CD3E: variants seen among roughly 807,000 people sequenced by gnomAD.
CD3E encodes the protein T-cell surface glycoprotein CD3 epsilon chain.
A neutral mutation model predicts 34.7 loss-of-function variants in CD3E; 16 were observed. The observed-to-expected ratio is 0.46, with a 90% confidence interval of 0.31 to 0.70. The LOEUF (loss-of-function observed/expected upper bound fraction) is 0.70. Among genes scored for constraint, CD3E ranks in the 30% least tolerant of loss-of-function variants. The probability of loss-of-function intolerance (pLI) is 0.05; values close to 1 mark genes in which losing one functional copy is unlikely to be tolerated. For missense variants in CD3E, 223 were observed against 253.9 expected, an observed-to-expected ratio of 0.88 and a Z score of 0.83; for synonymous variants, 70 against 90.8, an observed-to-expected ratio of 0.77 and a Z score of 1.30.
At chr11:118,309,242 G>A (rs2134763493) in intron 4 of CD3E, among the ~76,000 whole-genome samples, 1 of 152,278 alleles carries the variant, frequency 6.6e-6, no homozygotes, top group South Asian at 2.1e-4. Flanking sequence ...GACCAAATGA[G>A]TAATTCATTT....
rs1452420495 is a variant in CD3E, at chr11:118,315,923, G to A, written c.*381G>A. On this transcript the variant is annotated 3_prime_UTR_variant, in exon 9 of 9. Transcript: ENST00000361763. ...AAAGTATTCCATCTACTTTTCTATC[G>A]CCGTCCCCTTTTGCAGCCCTCTCTG... 8.9e-6 allele frequency: 3 copies of A among 337,432 alleles called. No individual in the cohort carries two copies. Among genetic ancestry groups the A allele is most frequent in the Admixed American group, 4.5e-5 (1 of 22,466 alleles). 20.9% of individuals were successfully genotyped at this position (337,432 alleles called of 1,614,324 possible). A position where few individuals can be genotyped will look rare whatever the true frequency, so the allele number is the denominator to read the frequency against.
At position 118,305,015 on chromosome 11, in the gene CD3E, A is replaced by G. The variant is rs953142824; in HGVS notation, c.49+14A>G. ...GCCTCTTATCAGGTGAGTAGGATGG[A>G]GTGGAAAGGGTGGTGTGTCTCCAGA... On this transcript the variant is annotated intron_variant, in intron 2 of 8. Transcript: ENST00000361763. The G allele has an allele frequency of 6.2e-7, 1 of 1,613,032 alleles. No individual in the cohort carries two copies. Among genetic ancestry groups the G allele is most frequent in the Admixed American group, 1.7e-5 (1 of 60,006 alleles).
chr11:118,310,586 G>T (rs961781954), intron 4 of CD3E, among the ~76,000 whole-genome samples: 2 of 152,122 alleles, frequency 1.3e-5, no homozygotes, highest in African/African-American at 2.4e-5. Context: ...ATGAACATAC[G>T]TGGAGCACAT....
rs899664323 is a variant in CD3E, at chr11:118,315,677, A to C, written c.*135A>C. 1 of 762,432 alleles carries C rather than the reference A, an allele frequency of 1.3e-6. No homozygotes were observed. Among genetic ancestry groups the C allele is most frequent in the African/African-American group, 1.7e-5 (1 of 58,168 alleles). The allele number at this position is 762,432 out of a possible 1,614,324, so 47.2% of individuals were successfully genotyped here. The stretch of plus-strand genomic sequence containing the variant: ...GCCTCATGGTGAACTCGCGCCCTCC[A>C]GCCTGATCCCCCGCTCCCTCCTCCC... On this transcript the variant is annotated 3_prime_UTR_variant, in exon 9 of 9. Transcript: ENST00000361763.
chr11:118,312,725 G>C lies in CD3E; in HGVS notation c.211G>C (p.Asp71His), dbSNP rs148647954. 871 of 1,614,044 alleles carry C rather than the reference G, an allele frequency of 5.4e-4. 6 individuals are homozygous for C. The highest frequency in any genetic ancestry group is 4.1e-3 in the Middle Eastern group (25 of 6,058). ...TGATAAAAACATAGGCGGTGATGAG[G>C]ATGATAAAAACATAGGCAGTGATGA... ...HNDKNIGGDE[D>H]DKNIGSDEDH... The change falls in exon 6 of 9, where the codon GAT (aspartate) becomes CAT (histidine). Residue 71 changes from aspartate to histidine, a missense_variant. By Grantham distance (81) the Asp-to-His change is moderately conservative. Transcript: ENST00000361763.
chr11:118,310,893 T>C (rs2134764962), intron 4 of CD3E, among the ~76,000 whole-genome samples: 1 of 152,338 alleles, frequency 6.6e-6, no homozygotes, highest in East Asian at 1.9e-4. Flanking sequence ...GAATGTTTTG[T>C]TTACATTCTG....
chr11:118,307,049 C>T (rs1000231091), intron 2 of CD3E, among the ~76,000 whole-genome samples: 2 of 152,086 alleles, frequency 1.3e-5, no homozygotes, highest in African/African-American at 4.8e-5. Flanking sequence ...ATTGTGGGCT[C>T]ATAGTTAATG....
chr11:118,311,827 A>G (rs1948137003), intron 4 of CD3E, among the ~76,000 whole-genome samples: 1 of 152,188 alleles, frequency 6.6e-6, no homozygotes, highest in Non-Finnish European at 1.5e-5. Context: ...TTAAGAGGAT[A>G]AGCTTGAAGA....
At chr11:118,307,024 T>C (rs1948110935) in intron 2 of CD3E, among the ~76,000 whole-genome samples, 1 of 152,172 alleles carries the variant, frequency 6.6e-6, no homozygotes, top group Non-Finnish European at 1.5e-5. Flanking sequence ...TTTTTCTGAC[T>C]CCTGCTTGTC....
chr11:118,313,985 C>G, intron 7 of CD3E, 111 bp downstream of exon 7: 1 of 963,214 alleles, frequency 1.0e-6, no homozygotes, highest in Non-Finnish European at 1.6e-6. Flanking sequence ...TCTAGAGCTT[C>G]TATGCACAGC....
chr11:118,313,912 A>T, intron 7 of CD3E, 38 bp downstream of exon 7: 1 of 1,608,760 alleles, frequency 6.2e-7, no homozygotes, highest in Non-Finnish European at 8.5e-7. Context: ...GATTCCTGCC[A>T]AGGGGGACGA....
At chr11:118,312,500 C>A (rs1194578771) in intron 5 of CD3E, 118 bp from the exon 6 acceptor site, 3 of 1,202,044 alleles carry the variant, frequency 2.5e-6, no homozygotes, top group Non-Finnish European at 2.5e-6. Context: ...TTCTGACAAG[C>A]AAGTCTAAGA....
intron 4 of CD3E, 114 bp downstream of exon 4, chr11:118,308,555 A>G (rs1948120063): frequency 2.7e-6 from 2 of 753,178 alleles, no homozygotes; most frequent in African/African-American, 1.7e-5. Context: ...GGGAAAATAC[A>G]AGTATCTTTC....
chr11:118,314,402 T>C (rs201629698), intron 7 of CD3E, 46 bp from the exon 8 acceptor site: 54 of 1,552,074 alleles, frequency 3.5e-5, no homozygotes, highest in Middle Eastern at 1.7e-4. Flanking sequence ...TGCTGCAAGA[T>C]TGGTTCCCTC....
intron 7 of CD3E, 137 bp downstream of exon 7, chr11:118,314,011 G>A (rs1234847045): frequency 1.0e-5 from 9 of 857,964 alleles, no homozygotes; most frequent in Non-Finnish European, 1.7e-5. Context: ...TTACTGTGAT[G>A]ACAAGATCTC....
intron 4 of CD3E, among the ~76,000 whole-genome samples, chr11:118,310,034 T>C (rs1948127605): frequency 6.6e-6 from 1 of 152,260 alleles, no homozygotes; most frequent in Non-Finnish European, 1.5e-5. Flanking sequence ...TAATGCAGAT[T>C]TATATGATAC....
At chr11:118,312,951 A>G (rs776117608) in intron 6 of CD3E, 85 bp downstream of exon 6, 20 of 1,508,450 alleles carry the variant, frequency 1.3e-5, no homozygotes, top group Non-Finnish European at 1.8e-5. Context: ...TCCCTAACCC[A>G]GCTCACAGTG....
At chr11:118,306,506 A>G (rs1169757591) in intron 2 of CD3E, among the ~76,000 whole-genome samples, 1 of 150,854 alleles carries the variant, frequency 6.6e-6, no homozygotes, top group African/African-American at 2.4e-5. Flanking sequence ...TAAATAAATA[A>G]ATAAATAAAT....
rs201243995 is a variant in CD3E at position 118,316,079 on chromosome 11, C to G, written c.*537C>G. On this transcript the variant is annotated 3_prime_UTR_variant, in exon 9 of 9. Coordinates refer to ENST00000361763, the MANE Select transcript of CD3E (RefSeq NM_000733.4). ...TAATCCCCTACTCCCTCCACCCCCC[C>G]TCCACTGTAGGCCACTGGATGGTCA... 2.0e-4 allele frequency: 34 copies of G among 166,824 alleles called. No homozygotes were observed. The highest frequency in any genetic ancestry group is 8.1e-4 in the African/African-American group (34 of 41,824). 10.3% of individuals were successfully genotyped at this position (166,824 alleles called of 1,614,324 possible).
Sources: gnomAD v4.1 joint callset for allele counts (sites outside exome capture counted in the v4.1 genomes callset) on GRCh38, gnomAD v4.1.1 for gene constraint, MANE v1.5 for transcripts, NCBI Gene and HGNC (gene_info 2026-07-23, HGNC 2026-07-21) for gene names.